The following MYO9A variants were observed in gnomAD, a reference collection of about 807,000 sequenced individuals.
MYO9A encodes the protein unconventional myosin-IXa.
MYO9A carries 103 observed loss-of-function variants against 293.3 expected under a neutral mutation model. The ratio of observed to expected loss-of-function variants is 0.35; its 90% CI spans 0.30 to 0.41. The LOEUF (loss-of-function observed/expected upper bound fraction) is 0.41. MYO9A is among the 10% of genes least tolerant of loss of function. MYO9A has a pLI of 1.00. For synonymous variants in MYO9A, 1,001 were observed against 1,035.7 expected, an observed-to-expected ratio of 0.97 and a Z score of 0.64; for missense variants, 2,685 against 3,033.0, an observed-to-expected ratio of 0.89 and a Z score of 2.69.
At chr15:72,098,480 T>C (rs2080140218) in intron 1 of MYO9A, among the ~76,000 whole-genome samples, 1 of 152,110 alleles carries the variant, frequency 6.6e-6, no homozygotes, top group African/African-American at 2.4e-5. Context: ...AAATAATATA[T>C]GTGACCAATA....
At chr15:72,077,656 G>A (rs1371931076) in intron 1 of MYO9A, among the ~76,000 whole-genome samples, 5 of 150,072 alleles carry the variant, frequency 3.3e-5, no homozygotes, top group Non-Finnish European at 5.9e-5. Context: ...GGGGGGCGGC[G>A]CGGGCAGAGG....
chr15:71,850,823 A>C (rs2055613887), intron 37 of MYO9A, among the ~76,000 whole-genome samples: 1 of 145,688 alleles, frequency 6.9e-6, no homozygotes, highest in South Asian at 2.2e-4. Flanking sequence ...AGAGGCTTTA[A>C]CCAAAAATAA....
chr15:71,994,639 T>C, intron 9 of MYO9A, 54 bp from the exon 10 acceptor site: 1 of 1,016,942 alleles, frequency 9.8e-7, no homozygotes, highest in Non-Finnish European at 1.4e-6. Flanking sequence ...ATTAAGATAC[T>C]ATGACAAAGT....
At chr15:71,954,653 G>A (rs1405498239) in intron 14 of MYO9A, among the ~76,000 whole-genome samples, 2 of 152,186 alleles carry the variant, frequency 1.3e-5, no homozygotes, top group Non-Finnish European at 2.9e-5. Context: ...GCAGATGTGG[G>A]GCATTGATTT....
At chr15:71,837,617 A>T (rs1402589385) in intron 39 of MYO9A, among the ~76,000 whole-genome samples, 6 of 152,066 alleles carry the variant, frequency 3.9e-5, no homozygotes, top group Non-Finnish European at 8.8e-5. Flanking sequence ...GTTAGCTGCA[A>T]ATCTTTTAAT....
At chr15:71,920,821 C>T (rs2058137093) in intron 18 of MYO9A, among the ~76,000 whole-genome samples, 1 of 152,032 alleles carries the variant, frequency 6.6e-6, no homozygotes, top group African/African-American at 2.4e-5. Flanking sequence ...GTGACGCATG[C>T]CCGTCATCTC....
intron 3 of MYO9A, among the ~76,000 whole-genome samples, chr15:72,030,543 T>C (rs1358517069): frequency 3.9e-5 from 6 of 152,088 alleles, no homozygotes; most frequent in Non-Finnish European, 1.5e-5. Flanking sequence ...GTTTTTTTCC[T>C]TGAACTTTGT....
rs35491673 is a variant in MYO9A, at chr15:72,026,275, G to GA, written c.998+1455dup. On this transcript the variant is annotated intron_variant, in intron 4 of 41. Transcript: ENST00000356056. Reference sequence around the variant, plus strand: ...GCCTCAGAGCAAGACTCCGTCTCAAGAAAAAAAAAAAAAAAAAAAAAGAAA... The same window carrying GA: ...GCCTCAGAGCAAGACTCCGTCTCAAGAAAAAAAAAAAAAAAAAAAAAAGAAA... Among the ~76,000 whole-genome samples, 30 of 63,476 alleles carry GA rather than the reference G, an allele frequency of 4.7e-4. 1 individual carries two copies. The highest frequency in any genetic ancestry group is 1.5e-3 in the South Asian group (2 of 1,368). The allele number at this position is 63,476 out of a possible 152,430, so 41.6% of individuals were successfully genotyped here.
At chr15:71,831,490 T>G (rs1163676867) in intron 39 of MYO9A, among the ~76,000 whole-genome samples, 2 of 152,180 alleles carry the variant, frequency 1.3e-5, no homozygotes, top group Non-Finnish European at 2.9e-5. Flanking sequence ...TGGCAAAACC[T>G]CCGTGCCTGA....
chr15:72,044,631 T>C (rs998681337), intron 2 of MYO9A, among the ~76,000 whole-genome samples: 10 of 152,256 alleles, frequency 6.6e-5, no homozygotes, highest in African/African-American at 2.4e-4. Flanking sequence ...TGTGGAGTAC[T>C]TGTCCTTCTG....
intron 14 of MYO9A, among the ~76,000 whole-genome samples, chr15:71,956,132 C>T (rs771498146): frequency 6.7e-6 from 1 of 149,282 alleles, no homozygotes; most frequent in Non-Finnish European, 1.5e-5. Flanking sequence ...CAGCAAGACC[C>T]ACCTCCAAAA....
In MYO9A at chr15:71,825,758, A is replaced by ACTAAAAAATAATGTAGAAGAATCTGATC. The variant is rs2054456799; in HGVS notation, c.*794_*821dup. On this transcript the variant is annotated 3_prime_UTR_variant, in exon 42 of 42. Coordinates refer to ENST00000356056, the MANE Select transcript of MYO9A (RefSeq NM_006901.4). ...TTAGGGATCACCATGTCTCTGGGAA[A>ACTAAAAAATAATGTAGAAGAATCTGATC]CTAAAAAATAATGTAGAAGAATCTG... 1 of 152,214 alleles carries ACTAAAAAATAATGTAGAAGAATCTGATC rather than the reference A, an allele frequency of 6.6e-6. No homozygotes were observed. Among genetic ancestry groups the ACTAAAAAATAATGTAGAAGAATCTGATC allele is most frequent in the African/African-American group, 2.4e-5 (1 of 41,458 alleles). The allele number at this position is 152,214 out of a possible 1,614,324, so 9.4% of individuals were successfully genotyped here.
intron 14 of MYO9A, among the ~76,000 whole-genome samples, chr15:71,956,330 A>AAAAAAAATATATATAT (rs10642655): frequency 4.0e-5 from 3 of 75,580 alleles, no homozygotes; most frequent in African/African-American, 1.8e-4. Context: ...AAAAAAAAAA[A>AAAAAAAATATATATAT]ATATATATAT....
At chr15:71,954,187 C>T (rs2059126287) in intron 14 of MYO9A, among the ~76,000 whole-genome samples, 1 of 151,294 alleles carries the variant, frequency 6.6e-6, no homozygotes, top group South Asian at 2.1e-4. Context: ...AGCCACTGTG[C>T]CCGGCCATCA....
At chr15:71,954,025 A>G (rs564430208) in intron 14 of MYO9A, among the ~76,000 whole-genome samples, 1 of 151,864 alleles carries the variant, frequency 6.6e-6, no homozygotes, top group South Asian at 2.1e-4. Context: ...CCTCCGGAGT[A>G]GCTGGGACTA....
intron 33 of MYO9A, among the ~76,000 whole-genome samples, chr15:71,862,281 TAGAC>T (rs1158905418): frequency 6.6e-6 from 1 of 152,220 alleles, no homozygotes; most frequent in East Asian, 1.9e-4. Context: ...AAGACCATTT[TAGAC>T]AGAGTGAATT....
At chr15:71,971,144 G>A (rs2075999751) in intron 12 of MYO9A, among the ~76,000 whole-genome samples, 2 of 150,940 alleles carry the variant, frequency 1.3e-5, no homozygotes, top group Admixed American at 1.3e-4. Flanking sequence ...CTGGGCGACA[G>A]AGCGAGACTC....
At chr15:71,872,979 C>A (rs1361155814) in intron 32 of MYO9A, among the ~76,000 whole-genome samples, 1 of 151,604 alleles carries the variant, frequency 6.6e-6, no homozygotes, top group South Asian at 2.1e-4. Context: ...GTGGCGCGAT[C>A]TCGGCTCACT....
chr15:71,933,538 C>G, intron 18 of MYO9A, 132 bp downstream of exon 18: 1 of 817,700 alleles, frequency 1.2e-6, no homozygotes, highest in Non-Finnish European at 2.0e-6. Flanking sequence ...ATGGATTCAA[C>G]TAAGTGCACG....
Sources: gnomAD v4.1 joint callset for allele counts (sites outside exome capture counted in the v4.1 genomes callset) on GRCh38, gnomAD v4.1.1 for gene constraint, MANE v1.5 for transcripts, NCBI Gene and HGNC (gene_info 2026-07-23, HGNC 2026-07-21) for gene names.